The following DTX1 variants were observed in gnomAD, a reference collection of about 807,000 sequenced individuals.
The protein encoded by DTX1 is deltex E3 ubiquitin ligase 1.
DTX1 carries 26 observed loss-of-function variants against 57.8 expected under a neutral mutation model. That is an observed-to-expected ratio of 0.45 (90% CI 0.33 to 0.62). The LOEUF (loss-of-function observed/expected upper bound fraction) is 0.62, where lower values mean the gene tolerates loss of function less well. DTX1 is among the 20% of genes least tolerant of loss of function. The probability of loss-of-function intolerance (pLI) is 0.02; values close to 1 mark genes in which losing one functional copy is unlikely to be tolerated. For synonymous variants in DTX1, 398 were observed against 394.1 expected (o/e 1.01, Z -0.12); for missense variants, 704 against 895.3 (o/e 0.79, Z 2.73).
chr12:113,070,403 T>C (rs2044730881), intron 2 of DTX1, among the ~76,000 whole-genome samples: 2 of 151,980 alleles, frequency 1.3e-5, no homozygotes, highest in South Asian at 4.2e-4. Context: ...CCCGTCAGGG[T>C]CTGGGTGCCC....
intron 3 of DTX1, among the ~76,000 whole-genome samples, chr12:113,088,839 T>TTTG (rs34865485): frequency 2.7e-4 from 40 of 149,764 alleles, no homozygotes; most frequent in African/African-American, 3.4e-4. Context: ...CCTCAAAAGT[T>TTTG]TTGTTGTTGT....
At chr12:113,078,168 G>T in intron 3 of DTX1, 63 bp downstream of exon 3, 1 of 1,234,796 alleles carries the variant, frequency 8.1e-7, no homozygotes, top group South Asian at 2.1e-5. Context: ...GAAGCCCGGG[G>T]GTGGTTGGCC....
chr12:113,070,021 G>C lies in DTX1; in HGVS notation c.260-7403G>C, dbSNP rs149645873. 9.2e-3 allele frequency among the ~76,000 whole-genome samples: 1,400 copies of C among 152,232 alleles called. 11 individuals are homozygous for C. Among genetic ancestry groups the C allele is most frequent in the South Asian group, 0.02 (96 of 4,816 alleles). ...ATGGGCTCATGAGACTAAGTCAGAG[G>C]GAACAGCAAATGAAGCAAGGTGGCC... is the stretch of plus-strand genomic sequence containing the variant. On this transcript the variant is annotated intron_variant, in intron 2 of 9. Coordinates refer to ENST00000548759, the MANE Select transcript of DTX1 (RefSeq NM_004416.3).
At chr12:113,076,800 C>T (rs2044775209) in intron 2 of DTX1, among the ~76,000 whole-genome samples, 1 of 152,142 alleles carries the variant, frequency 6.6e-6, no homozygotes, top group African/African-American at 2.4e-5. Flanking sequence ...TGAACTAAGG[C>T]ATGAACAGAT....
intron 2 of DTX1, among the ~76,000 whole-genome samples, chr12:113,072,720 T>C (rs1395355608): frequency 1.3e-5 from 2 of 148,266 alleles, no homozygotes; most frequent in Non-Finnish European, 1.5e-5. Flanking sequence ...TTTTTTTTTT[T>C]TGAGACAGAG....
At chr12:113,059,756 G>A (rs746354499) in intron 2 of DTX1, among the ~76,000 whole-genome samples, 10 of 152,158 alleles carry the variant, frequency 6.6e-5, no homozygotes, top group South Asian at 2.1e-4. Flanking sequence ...TAGGATGCTC[G>A]CTTTCCCTCT....
In DTX1 at chr12:113,077,458, C is replaced by T. The variant is rs2044780376; in HGVS notation, c.294C>T (p.Asp98=). 1 of 1,611,360 alleles carries T rather than the reference C, an allele frequency of 6.2e-7. No individual in the cohort carries two copies. ...TMRPVRRNFY[D]PSSAPGKGIV... The stretch of plus-strand genomic sequence containing the variant: ...GGCCCGTGCGGCGCAACTTCTACGA[C>T]CCGTCGTCGGCGCCGGGCAAGGGCA... Residue 98 remains aspartate (D), a synonymous_variant, in exon 3 of 10, where the codon GAC becomes GAT. Coordinates refer to ENST00000548759, the MANE Select transcript of DTX1 (RefSeq NM_004416.3). This position sits in a 1 kb window ranked among gnomAD's most constrained non-coding sequence, Gnocchi z 7.8.
chr12:113,057,204 A>C (rs1383666220), intron 1 of DTX1, among the ~76,000 whole-genome samples: 1 of 151,626 alleles, frequency 6.6e-6, no homozygotes, highest in Non-Finnish European at 1.5e-5. Flanking sequence ...GCCCCGGGGG[A>C]AGGGAAGGCT....
intron 3 of DTX1, among the ~76,000 whole-genome samples, chr12:113,085,146 C>T (rs2044847247): frequency 6.6e-6 from 1 of 151,918 alleles, no homozygotes; most frequent in South Asian, 2.1e-4. Context: ...GCCTCCCAGG[C>T]TCAAGCAATA....
intron 2 of DTX1, among the ~76,000 whole-genome samples, chr12:113,076,085 T>C (rs2044769515): frequency 6.6e-6 from 1 of 151,542 alleles, no homozygotes; most frequent in Admixed American, 6.6e-5. Flanking sequence ...AATAGGATGA[T>C]GGTAAATGAA....
Position 113,095,140 on chromosome 12 carries a change from G to A in DTX1, c.1485G>A (p.Ser495=), listed in dbSNP as rs201857844. ...GKMEFHLIPH[S]LPGFPDTQTI... is the part of the protein sequence containing the mutation. ...TGGAGTTCCACCTCATCCCCCACTC[G>A]CTGCCCGGCTTCCCTGATACCCAGA... Residue 495 remains serine, a synonymous_variant, in exon 8 of 10, where the codon TCG becomes TCA. Coordinates refer to ENST00000548759, the MANE Select transcript of DTX1 (RefSeq NM_004416.3). The A allele has an allele frequency of 1.0e-4, 169 of 1,613,508 alleles. No individual in the cohort carries two copies. Among genetic ancestry groups the A allele is most frequent in the Non-Finnish European group, 1.3e-4 (155 of 1,179,500 alleles).
Position 113,093,430 on chromosome 12 carries a change from G to A in DTX1, c.1004-109G>A. 1.5e-6 allele frequency: 2 copies of A among 1,343,808 alleles called. No individual in the cohort carries two copies. Among genetic ancestry groups the A allele is most frequent in the Non-Finnish European group, 2.0e-6 (2 of 1,010,154 alleles). The allele number at this position is 1,343,808 out of a possible 1,614,324, so 83.2% of individuals were successfully genotyped here. Reference sequence around the variant, plus strand: ...AAGGGGCTGAGTGGGTGGGGCCCAAGAGCGCAACCCTCCCACCCACCCGAG... The same window carrying A: ...AAGGGGCTGAGTGGGTGGGGCCCAAAAGCGCAACCCTCCCACCCACCCGAG... On this transcript the variant is annotated intron_variant, in intron 4 of 9. Coordinates refer to ENST00000548759, the MANE Select transcript of DTX1 (RefSeq NM_004416.3). The surrounding 1 kb of genome is among the most constrained non-coding windows in gnomAD (Gnocchi z 4.2).
In DTX1 at chr12:113,095,184, A is replaced by G. The variant is rs1224619078; in HGVS notation, c.1529A>G (p.Asp510Gly). The change falls in exon 8 of 10, where the codon GAC becomes GGC. Residue 510 changes from aspartate to glycine, a missense_variant. Asp to Gly is a moderately conservative substitution (Grantham distance 94). This residue lies in a region of DTX1 where 168 missense variants were observed against 255.6 expected (regional missense o/e 0.66). Transcript: ENST00000548759. ...ACCCAGACCATCCGCATCGTCTATG[A>G]CATCCCCACAGGCATCCAGGTGGGC... is the stretch of plus-strand genomic sequence containing the variant. The part of the protein sequence containing the change: ...PDTQTIRIVY[D>G]IPTGIQGPEH... 2.5e-6 allele frequency: 4 copies of G among 1,607,880 alleles called. No homozygotes were observed. The African/African-American group carries it at 5.4e-5, about 22-fold the overall frequency.
At chr12:113,066,966 C>T (rs567007635) in intron 2 of DTX1, among the ~76,000 whole-genome samples, 2 of 152,164 alleles carry the variant, frequency 1.3e-5, no homozygotes, top group Non-Finnish European at 2.9e-5. Flanking sequence ...AGCGCCTCTC[C>T]CTCTCTGGGC....
chr12:113,063,492 C>T (rs1404011163), intron 2 of DTX1, among the ~76,000 whole-genome samples: 1 of 152,228 alleles, frequency 6.6e-6, no homozygotes, highest in African/African-American at 2.4e-5. Context: ...GGGAGGGGCA[C>T]CTATCTGCCT....
rs1193022914 is a variant in DTX1, at chr12:113,094,952, G to A, written c.1386+5G>A. ...ATGTACTCCAATGGCAACAAGGTGG[G>A]TTGGGCGGGACAATGGCTGAGGAGT... On this transcript the variant is annotated splice_donor_5th_base_variant and intron_variant, in intron 7 of 9. Coordinates refer to ENST00000548759, the MANE Select transcript of DTX1 (RefSeq NM_004416.3). 6.2e-7 allele frequency: 1 copy of A among 1,611,834 alleles called. No individual in the cohort carries two copies. The highest frequency in any genetic ancestry group is 8.5e-7 in the Non-Finnish European group (1 of 1,178,438).
Position 113,087,728 on chromosome 12 carries a change from A to C in DTX1, c.942-5434A>C, listed in dbSNP as rs372564180. Among the ~76,000 whole-genome samples, 22 of 152,142 alleles carry C rather than the reference A, an allele frequency of 1.4e-4. No individual in the cohort carries two copies. The East Asian group carries it at 3.1e-3, about 21-fold the overall frequency. ...GGGGCTCTTTGGGGTCTGCTGGGTA[A>C]GTGTGAGGTATCCTGAAGGGGGCCA... On this transcript the variant is annotated intron_variant, in intron 3 of 9. Coordinates refer to ENST00000548759, the MANE Select transcript of DTX1 (RefSeq NM_004416.3).
At chr12:113,060,240 G>C (rs887682872) in intron 2 of DTX1, among the ~76,000 whole-genome samples, 4 of 152,200 alleles carry the variant, frequency 2.6e-5, no homozygotes, top group African/African-American at 7.2e-5. Flanking sequence ...GATCTCTGCT[G>C]TGTGTCAATT....
chr12:113,068,569 G>T (rs1459539427), intron 2 of DTX1, among the ~76,000 whole-genome samples: 1 of 152,212 alleles, frequency 6.6e-6, no homozygotes, highest in Non-Finnish European at 1.5e-5. Context: ...CACACGGTAT[G>T]TTCAAAAAAT....
Sources: gnomAD v4.1 joint callset for allele counts (sites outside exome capture counted in the v4.1 genomes callset) on GRCh38, gnomAD v4.1.1 for gene constraint, gnomAD v4.1.1 regional missense constraint, Gnocchi (gnomAD v3.1) non-coding constraint, MANE v1.5 for transcripts, NCBI Gene and HGNC (gene_info 2026-07-23, HGNC 2026-07-21) for gene names.